The following COL25A1 variants were observed in gnomAD, a reference collection of about 807,000 sequenced individuals.
The protein encoded by COL25A1 is collagen type XXV alpha 1 chain.
COL25A1 carries 103 observed loss-of-function variants against 128.4 expected under a neutral mutation model. The observed-to-expected ratio is 0.80, with a 90% CI of 0.68 to 0.94. The LOEUF is 0.94. Among genes scored for constraint, COL25A1 ranks in the 40% least tolerant of loss-of-function variants. The pLI is 0.00. For synonymous variants in COL25A1, 279 were observed against 277.2 expected (o/e 1.01, Z -0.06); for missense variants, 745 against 840.0 (o/e 0.89, Z 1.40).
chr4:109,025,105 T>C (rs1392824913), intron 5 of COL25A1, among the ~76,000 whole-genome samples: 1 of 152,218 alleles, frequency 6.6e-6, no homozygotes, highest in Non-Finnish European at 1.5e-5. Flanking sequence ...CTTTTGACTA[T>C]AAATGTTTGT....
At chr4:108,957,345 A>AACC (rs999227459) in intron 8 of COL25A1, among the ~76,000 whole-genome samples, 33 of 152,038 alleles carry the variant, frequency 2.2e-4, no homozygotes, top group African/African-American at 5.3e-4. Flanking sequence ...CACAGAGCAG[A>AACC]ACCACCACCA....
chr4:108,979,135 G>T (rs555238551), intron 6 of COL25A1, among the ~76,000 whole-genome samples: 1 of 152,216 alleles, frequency 6.6e-6, no homozygotes, highest in East Asian at 1.9e-4. Flanking sequence ...CTTAAAATTA[G>T]CCCCTGTTCA....
At chr4:109,067,478 A>G (rs1762547199) in intron 3 of COL25A1, among the ~76,000 whole-genome samples, 1 of 152,232 alleles carries the variant, frequency 6.6e-6, no homozygotes, top group South Asian at 2.1e-4. Context: ...TAAAAATTAC[A>G]GTCACAGAGT....
At position 108,846,192 on chromosome 4, in the gene COL25A1, C is replaced by T. The variant is rs1308841166; in HGVS notation, c.1462G>A (p.Gly488Arg). The change falls in exon 28 of 38, where the codon GGG becomes AGG. Residue 488 changes from glycine (G) to arginine (R), a missense_variant. Coordinates refer to ENST00000399132, the MANE Select transcript of COL25A1 (RefSeq NM_198721.4). The stretch of plus-strand genomic sequence containing the variant: ...TTTTCACCTGTCATACCTGGGTCCC[C>T]CATGTCTCCCTTTGAGCCTTTGAGT... ...QGLKGSKGDM[G>R]DPGMTGEKGG... 1.2e-6 allele frequency: 2 copies of T among 1,612,906 alleles called. No individual in the cohort carries two copies. The highest frequency in any genetic ancestry group is 1.3e-5 in the African/African-American group (1 of 74,894).
chr4:109,193,029 T>C (rs950643332), intron 3 of COL25A1, among the ~76,000 whole-genome samples: 2 of 152,142 alleles, frequency 1.3e-5, no homozygotes, highest in Middle Eastern at 3.4e-3. Flanking sequence ...GGTGAGAAAA[T>C]ACATTTCTAT....
chr4:109,263,658 G>A (rs1215657638), intron 3 of COL25A1, among the ~76,000 whole-genome samples: 1 of 152,176 alleles, frequency 6.6e-6, no homozygotes, highest in Non-Finnish European at 1.5e-5. Flanking sequence ...TAAACTGAAC[G>A]TTGTTTAAAA....
chr4:108,868,246 A>G (rs1447794395), intron 20 of COL25A1, among the ~76,000 whole-genome samples: 1 of 152,146 alleles, frequency 6.6e-6, no homozygotes, highest in East Asian at 1.9e-4. Context: ...GTACAAGTGG[A>G]ACAACTGAAA....
At chr4:109,191,852 T>C (rs537354118) in intron 3 of COL25A1, among the ~76,000 whole-genome samples, 1 of 152,298 alleles carries the variant, frequency 6.6e-6, no homozygotes, top group East Asian at 1.9e-4. Flanking sequence ...CAAGATTCAA[T>C]CTCTATGCTA....
At chr4:109,276,491 A>G (rs1245732443) in intron 3 of COL25A1, among the ~76,000 whole-genome samples, 1 of 151,948 alleles carries the variant, frequency 6.6e-6, no homozygotes, top group Non-Finnish European at 1.5e-5. Flanking sequence ...ATAACTATTT[A>G]TAGTATAATT....
At chr4:108,920,459 C>T (rs1484921607) in intron 12 of COL25A1, 119 bp downstream of exon 12, 7 of 624,482 alleles carry the variant, frequency 1.1e-5, no homozygotes, top group Non-Finnish European at 1.6e-5. Context: ...AAGCAGAATA[C>T]ACAAACCAGA....
At chr4:108,937,747 T>C (rs1337080615) in intron 11 of COL25A1, 61 bp downstream of exon 11, 1 of 1,374,322 alleles carries the variant, frequency 7.3e-7, no homozygotes, top group Non-Finnish European at 1.0e-6. Context: ...TCACACATAA[T>C]CTTGACCATA....
chr4:109,213,442 C>T (rs768443591), intron 3 of COL25A1, among the ~76,000 whole-genome samples: 21 of 152,272 alleles, frequency 1.4e-4, no homozygotes, highest in South Asian at 4.1e-4. Context: ...ATGCTGGCAG[C>T]TTTCACTTTC....
chr4:109,138,379 T>C (rs1437330018), intron 3 of COL25A1, among the ~76,000 whole-genome samples: 1 of 152,230 alleles, frequency 6.6e-6, no homozygotes, highest in Non-Finnish European at 1.5e-5. Context: ...CTTTATCCAG[T>C]CTATCATTGA....
chr4:109,164,034 G>T (rs1015089559), intron 3 of COL25A1, among the ~76,000 whole-genome samples: 1 of 151,902 alleles, frequency 6.6e-6, no homozygotes, highest in Non-Finnish European at 1.5e-5. Flanking sequence ...TGAAAATTAT[G>T]AATTACAAGG....
chr4:109,273,014 T>C (rs1467161016), intron 3 of COL25A1, among the ~76,000 whole-genome samples: 1 of 152,136 alleles, frequency 6.6e-6, no homozygotes, highest in Admixed American at 6.6e-5. Flanking sequence ...TATATAACAT[T>C]TGCATTTTAG....
At chr4:108,990,488 T>TA (rs1754126065) in intron 6 of COL25A1, among the ~76,000 whole-genome samples, 1 of 151,892 alleles carries the variant, frequency 6.6e-6, no homozygotes, top group Non-Finnish European at 1.5e-5. Context: ...GAGGGTCTTA[T>TA]GCTATAACCA....
chr4:108,823,436 T>G (rs6828339), intron 35 of COL25A1, among the ~76,000 whole-genome samples: 59,966 of 150,448 alleles, frequency 0.4, 12,275 homozygotes, highest in African/African-American at 0.52. Context: ...CAGAGGAGAG[T>G]AAAGAAGGGA....
intron 3 of COL25A1, among the ~76,000 whole-genome samples, chr4:109,104,740 G>A (rs1214622262): frequency 6.6e-6 from 1 of 152,012 alleles, no homozygotes; most frequent in Non-Finnish European, 1.5e-5. Context: ...GAGAGAGAGA[G>A]GCAACCTATA....
chr4:109,218,361 T>TTTGTTTGTTTGTTTG (rs1553961845), intron 3 of COL25A1, among the ~76,000 whole-genome samples: 2 of 132,172 alleles, frequency 1.5e-5, no homozygotes, highest in Admixed American at 7.6e-5. Flanking sequence ...TTTGGGGTTT[T>TTTGTTTGTTTGTTTG]TTTTTTTTTT....
Sources: allele counts gnomAD v4.1 joint callset (sites outside exome capture counted in the v4.1 genomes callset), GRCh38; gene constraint gnomAD v4.1.1; transcripts MANE v1.5; gene names NCBI Gene and HGNC (gene_info 2026-07-23, HGNC 2026-07-21).